RTL9: variants seen among roughly 807,000 people sequenced by gnomAD.
RTL9 encodes retrotransposon Gag-like protein 9.
RTL9 carries 19 observed loss-of-function variants against 44.7 expected under a neutral mutation model. That is an observed-to-expected ratio of 0.42 (90% CI 0.30 to 0.62). The LOEUF is 0.62. Among genes scored for constraint, RTL9 ranks in the 20% least tolerant of loss-of-function variants. The pLI, the probability that RTL9 is intolerant of heterozygous loss-of-function variation, is 0.16. For missense variants in RTL9, 1,105 were observed against 1,080.6 expected (o/e 1.02, Z -0.32); for synonymous variants, 407 against 398.9 (o/e 1.02, Z -0.24).
intron 1 of RTL9, among the ~76,000 whole-genome samples, chrX:110,420,304 T>C (rs1488771717): frequency 1.8e-5 from 2 of 112,339 alleles, no homozygotes; most frequent in African/African-American, 6.5e-5. Context: ...TGTTCTGGAA[T>C]AGCTAACCAA....
intron 1 of RTL9, among the ~76,000 whole-genome samples, chrX:110,390,638 T>C (rs1410926103): frequency 1.8e-5 from 2 of 112,047 alleles, no homozygotes; most frequent in African/African-American, 6.5e-5. Flanking sequence ...AAAATAGAGA[T>C]GGCTTTGCTG....
chrX:110,407,759 C>T (rs2068613058), intron 1 of RTL9, among the ~76,000 whole-genome samples: 1 of 112,310 alleles, frequency 8.9e-6, no homozygotes, highest in Admixed American at 9.4e-5. Flanking sequence ...TATTTAAAGG[C>T]TGGTAGAAGA....
Position 110,453,559 on chromosome X carries a change from A to G in RTL9, c.2942A>G (p.Glu981Gly), listed in dbSNP as rs754963980. ...GGAGAGATGTCTATGCCGCTAATGG[A>G]AACCATGGCCTCTGGAGCAACGTCC... Residue 981 changes from glutamate (E) to glycine (G), a missense_variant, in exon 1 of 2, where the codon GAA becomes GGA. By Grantham distance (98) the Glu-to-Gly change is moderately conservative (BLOSUM62 -2). Transcript: ENST00000540313. 5 of 1,210,585 alleles carry G rather than the reference A, an allele frequency of 4.1e-6. No homozygotes were observed. In the African/African-American group the frequency reaches 8.7e-5, roughly 21 times the overall value.
At chrX:110,402,419 C>A (rs2068571421) in intron 1 of RTL9, among the ~76,000 whole-genome samples, 2 of 112,937 alleles carry the variant, frequency 1.8e-5, no homozygotes, top group African/African-American at 6.4e-5. Context: ...ATTCCTTGAT[C>A]AGAGCCTTTC....
chrX:110,384,066 ATTG>A (rs1156355014), intron 1 of RTL9, among the ~76,000 whole-genome samples: 2 of 112,137 alleles, frequency 1.8e-5, no homozygotes, highest in Admixed American at 1.9e-4. Flanking sequence ...CTATTGTTTT[ATTG>A]TTATCGTATA....
At chrX:110,377,372 C>T (rs1396577937) in intron 1 of RTL9, among the ~76,000 whole-genome samples, 2 of 111,947 alleles carry the variant, frequency 1.8e-5, no homozygotes, top group East Asian at 5.6e-4. Context: ...CCGATACCTA[C>T]AGTCTTCCAG....
chrX:110,417,469 C>A (rs142288699), upstream of RTL9, among the ~76,000 whole-genome samples: 1 of 110,121 alleles, frequency 9.1e-6, no homozygotes, highest in Non-Finnish European at 1.9e-5. Flanking sequence ...GGTGTGCAGA[C>A]GCAAATGAGC....
chrX:110,398,925 CTA>C (rs761625823), intron 1 of RTL9, among the ~76,000 whole-genome samples: 9 of 112,164 alleles, frequency 8.0e-5, no homozygotes, highest in Non-Finnish European at 1.3e-4. Context: ...GATTCTAAAT[CTA>C]TGTTTTTGCT....
chrX:110,409,162 G>T (rs921398455), intron 1 of RTL9, among the ~76,000 whole-genome samples: 1 of 111,138 alleles, frequency 9.0e-6, no homozygotes, highest in Non-Finnish European at 1.9e-5. Flanking sequence ...CATAGTCGGG[G>T]TATATAAAAC....
At chrX:110,387,825 C>T (rs2068466255) in intron 1 of RTL9, among the ~76,000 whole-genome samples, 1 of 105,677 alleles carries the variant, frequency 9.5e-6, no homozygotes, top group Non-Finnish European at 1.9e-5. Context: ...TGTTGTTGGA[C>T]GATTTTTGAT....
chrX:110,387,510 G>T (rs1392247186), intron 1 of RTL9, among the ~76,000 whole-genome samples: 1 of 112,307 alleles, frequency 8.9e-6, no homozygotes, highest in East Asian at 2.8e-4. Flanking sequence ...TTCAGTTTGA[G>T]ACTTCCTAGA....
chrX:110,420,474 G>T lies in RTL9; in HGVS notation c.-168+1339G>T, dbSNP rs978502270. On this transcript the variant is annotated intron_variant, in intron 1 of 3. Coordinates refer to the RTL9 transcript ENST00000465301. ...TGCAAGAGGTGCCTCTCACCACAGG[G>T]TACAAGAAGGACTAGCTCTGGCTGG... Among the ~76,000 whole-genome samples, 7 of 112,291 alleles carry T rather than the reference G, an allele frequency of 6.2e-5. No homozygotes were observed. The South Asian group carries it at 1.1e-3, about 18-fold the overall frequency.
At chrX:110,453,700 C>A in exon 1 of RTL9, 1 of 1,211,671 alleles carries the variant, frequency 8.3e-7, no homozygotes, top group Non-Finnish European at 1.1e-6. Context: ...GGAGCAAGGT[C>A]CACATCATTT....
At chrX:110,395,354 C>A (rs113909458) in intron 1 of RTL9, among the ~76,000 whole-genome samples, 234 of 112,130 alleles carry the variant, frequency 2.1e-3, no homozygotes, top group African/African-American at 7.1e-3. Context: ...CCCTCTTCAC[C>A]AGGGCAGAGG....
chrX:110,367,369 A>T (rs1331448780), intron 1 of RTL9, among the ~76,000 whole-genome samples: 1 of 110,735 alleles, frequency 9.0e-6, no homozygotes, highest in Admixed American at 9.6e-5. Context: ...TGCCATCATC[A>T]CTCCACCAAA....
At chrX:110,368,951 G>A (rs1195214960) in intron 1 of RTL9, among the ~76,000 whole-genome samples, 1 of 112,146 alleles carries the variant, frequency 8.9e-6, no homozygotes, top group Non-Finnish European at 1.9e-5. Flanking sequence ...ATGTCTGGTA[G>A]TGAGTTTAGT....
chrX:110,436,542 T>G (rs1040688169), intron 1 of RTL9, among the ~76,000 whole-genome samples: 22 of 112,053 alleles, frequency 2.0e-4, no homozygotes, highest in African/African-American at 7.1e-4. Context: ...TAAGCCTAAC[T>G]AGGGATGCTT....
chrX:110,376,837 TG>T (rs1485948931), intron 1 of RTL9, among the ~76,000 whole-genome samples: 2 of 112,291 alleles, frequency 1.8e-5, no homozygotes, highest in Non-Finnish European at 3.8e-5. Flanking sequence ...TATCTGGCAC[TG>T]GGTAAGCCCT....
intron 1 of RTL9, among the ~76,000 whole-genome samples, chrX:110,404,670 G>A (rs897003474): frequency 7.2e-5 from 8 of 111,525 alleles, no homozygotes; most frequent in African/African-American, 2.6e-4. Flanking sequence ...TTGTTTGTGC[G>A]CATCATGTGC....
Sources: gnomAD v4.1 joint callset for allele counts (sites outside exome capture counted in the v4.1 genomes callset) on GRCh38, gnomAD v4.1.1 for gene constraint, MANE v1.5 for transcripts, NCBI Gene and HGNC (gene_info 2026-07-23, HGNC 2026-07-21) for gene names.